DDX46: variants seen among roughly 807,000 people sequenced by gnomAD.
The protein encoded by DDX46 is probable ATP-dependent RNA helicase DDX46.
Under a neutral mutation model 134.9 loss-of-function variants are expected in DDX46, and 30 were observed. The ratio of observed to expected loss-of-function variants is 0.22; its 90% CI spans 0.17 to 0.30. The LOEUF (loss-of-function observed/expected upper bound fraction) is 0.30. Among genes scored for constraint, DDX46 ranks in the 10% least tolerant of loss-of-function variants. The pLI is 1.00. For synonymous variants in DDX46, 415 were observed against 404.1 expected (o/e 1.03, Z -0.32); for missense variants, 622 against 1,248.7 (o/e 0.50, Z 7.56).
rs1753280042 is a variant in DDX46 at position 134,758,812 on chromosome 5, C to T, written c.-127C>T. 2.6e-5 allele frequency: 38 copies of T among 1,460,278 alleles called. No homozygotes were observed. Among genetic ancestry groups the T allele is most frequent in the Non-Finnish European group, 3.4e-5 (36 of 1,051,800 alleles). The allele number at this position is 1,460,278 out of a possible 1,614,324, so 90.5% of individuals were successfully genotyped here. A position where few individuals can be genotyped will look rare whatever the true frequency, so the allele number is the denominator to read the frequency against. ...GTTGGCCGCGCTGGGATGGCCGCCA[C>T]AGCTGTAGGTGCTGCTAGTGTTTAG... On this transcript the variant is annotated 5_prime_UTR_variant, in exon 1 of 23. Coordinates refer to ENST00000452510, the MANE Select transcript of DDX46 (RefSeq NM_001300860.2).
rs1580805303 is a variant in DDX46, at chr5:134,800,779, G to A, written c.1954+4629G>A. Among the ~76,000 whole-genome samples, 3 of 152,222 alleles carry A rather than the reference G, an allele frequency of 2.0e-5. No individual in the cohort carries two copies. The South Asian group carries it at 6.2e-4, about 32-fold the overall frequency. ...CAACCTCCGCCTCCCGGGTTCAAGCGATTCTCCTGCCTCAGCCTCCTAAGT... is the reference window on the plus strand; with the variant it reads ...CAACCTCCGCCTCCCGGGTTCAAGCAATTCTCCTGCCTCAGCCTCCTAAGT... On this transcript the variant is annotated intron_variant, in intron 15 of 22. Coordinates refer to ENST00000452510, the MANE Select transcript of DDX46 (RefSeq NM_001300860.2).
At chr5:134,796,298 GATT>G in intron 15 of DDX46, 148 bp downstream of exon 15, 1 of 834,878 alleles carries the variant, frequency 1.2e-6, no homozygotes, top group African/African-American at 1.7e-5. Context: ...GTGGGAGTAA[GATT>G]ATTATTGTCT....
intron 15 of DDX46, among the ~76,000 whole-genome samples, chr5:134,805,750 C>T (rs925917821): frequency 2.0e-5 from 3 of 150,202 alleles, no homozygotes; most frequent in African/African-American, 4.9e-5. Flanking sequence ...CCAGGCTGGT[C>T]TCAAACTCCT....
At chr5:134,787,298 G>A (rs1325436062) in intron 11 of DDX46, among the ~76,000 whole-genome samples, 3 of 152,190 alleles carry the variant, frequency 2.0e-5, no homozygotes, top group Non-Finnish European at 1.5e-5. Flanking sequence ...AGGCAAAAAA[G>A]TAGGTTCTGT....
chr5:134,827,550 G>A (rs1460408384), intron 22 of DDX46, among the ~76,000 whole-genome samples: 1 of 152,204 alleles, frequency 6.6e-6, no homozygotes, highest in Non-Finnish European at 1.5e-5. Flanking sequence ...TGGGATTACA[G>A]GCGTGAGCCG....
intron 3 of DDX46, among the ~76,000 whole-genome samples, chr5:134,769,833 C>G (rs1301503752): frequency 1.3e-5 from 2 of 152,242 alleles, no homozygotes; most frequent in Non-Finnish European, 1.5e-5. Context: ...AGGCGTGAGC[C>G]ACCGCGCCCG....
At chr5:134,761,329 G>T (rs557259400) in intron 1 of DDX46, among the ~76,000 whole-genome samples, 1 of 152,072 alleles carries the variant, frequency 6.6e-6, no homozygotes, top group Non-Finnish European at 1.5e-5. Flanking sequence ...CCAGCCAATT[G>T]GTGTTTTATT....
intron 21 of DDX46, among the ~76,000 whole-genome samples, chr5:134,824,063 C>T (rs1755525681): frequency 6.6e-6 from 1 of 152,070 alleles, no homozygotes; most frequent in African/African-American, 2.4e-5. Context: ...TATCAAATTT[C>T]AATTTATGTA....
At position 134,830,935 on chromosome 5, in the gene DDX46, T is replaced by A. The variant is rs1755722064; in HGVS notation, c.*2229T>A. 1 of 152,644 alleles carries A rather than the reference T, an allele frequency of 6.6e-6. No homozygotes were observed. Among genetic ancestry groups the A allele is most frequent in the Admixed American group, 6.5e-5 (1 of 15,274 alleles). The allele number at this position is 152,644 out of a possible 1,614,324, so 9.5% of individuals were successfully genotyped here. On this transcript the variant is annotated 3_prime_UTR_variant, in exon 23 of 23. Coordinates refer to ENST00000452510, the MANE Select transcript of DDX46 (RefSeq NM_001300860.2). ...ATCATTTTAGCATTTTGTTTGTATA[T>A]CAGTTGTGATGAGCCACTGATAAAA...
At chr5:134,796,241 A>G (rs1015108026) in intron 15 of DDX46, 91 bp downstream of exon 15, 14 of 1,395,800 alleles carry the variant, frequency 1.0e-5, no homozygotes, top group African/African-American at 2.9e-5. Flanking sequence ...TTTGTTCTCT[A>G]TAATTCAGAA....
intron 20 of DDX46, among the ~76,000 whole-genome samples, 170 bp downstream of exon 20, chr5:134,817,884 G>C (rs767997822): frequency 1.6e-4 from 24 of 151,656 alleles, no homozygotes; most frequent in South Asian, 4.2e-4. Flanking sequence ...AGGTACATTA[G>C]GATCTAAATG....
chr5:134,794,485 G>T (rs1214577440), intron 13 of DDX46, among the ~76,000 whole-genome samples: 1 of 152,096 alleles, frequency 6.6e-6, no homozygotes, highest in Admixed American at 6.6e-5. Context: ...CTTTTTGTCT[G>T]TTTTTGTTGC....
At chr5:134,770,831 A>T in intron 3 of DDX46, 72 bp from the exon 4 acceptor site, 1 of 1,367,966 alleles carries the variant, frequency 7.3e-7, no homozygotes, top group Non-Finnish European at 9.8e-7. Context: ...AAAAAAAAAA[A>T]AGTATTTAAA....
At chr5:134,766,707 G>A (rs1259975341) in intron 2 of DDX46, among the ~76,000 whole-genome samples, 1 of 152,200 alleles carries the variant, frequency 6.6e-6, no homozygotes, top group Non-Finnish European at 1.5e-5. Flanking sequence ...GGTGACAGGT[G>A]TGAGACTTTG....
chr5:134,807,952 G>A lies in DDX46; in HGVS notation c.2148+11G>A. The A allele has an allele frequency of 6.3e-7, 1 of 1,577,306 alleles. No individual in the cohort carries two copies. The highest frequency in any genetic ancestry group is 8.6e-7 in the Non-Finnish European group (1 of 1,160,352). On this transcript the variant is annotated intron_variant, in intron 16 of 22. Transcript: ENST00000452510. ...AGAGCAGGAAACAAGGTAAAAATAA[G>A]TTTTTTATAGTTGATCTTCATTATA...
chr5:134,811,800 A>G lies in DDX46; in HGVS notation c.2391A>G (p.Ala797=), dbSNP rs1330822352. The G allele has an allele frequency of 1.2e-6, 2 of 1,614,006 alleles. No individual in the cohort carries two copies. Among genetic ancestry groups the G allele is most frequent in the Non-Finnish European group, 1.7e-6 (2 of 1,179,980 alleles). The change falls in exon 18 of 23, where the codon GCA becomes GCG. Residue 797 remains alanine, a synonymous_variant. Transcript: ENST00000452510. ...ATGAGAGGAAGAAGTTACAAAAAGC[A>G]GCTCTTGGTCTACAAGATTCAGATG... ...LANERKKLQK[A]ALGLQDSDDE...
chr5:134,825,520 C>T (rs886155010), intron 21 of DDX46, among the ~76,000 whole-genome samples: 6 of 152,100 alleles, frequency 3.9e-5, no homozygotes, highest in South Asian at 2.1e-4. Context: ...GAAATTTTCT[C>T]GTTTATTATA....
rs374562980 is a variant in DDX46 at position 134,815,706 on chromosome 5, C to CAAAA, written c.2437-701_2437-698dup. ...TGGGAGACAGAGCGAGACTCTGTCT[C>CAAAA]AAAAAAAAAAAAAAAAAAAAAAAAA... On this transcript the variant is annotated intron_variant, in intron 18 of 22. Transcript: ENST00000452510. Among the ~76,000 whole-genome samples the CAAAA allele has an allele frequency of 8.7e-4, 25 of 28,694 alleles. 3 individuals are homozygous for CAAAA. Among genetic ancestry groups the CAAAA allele is most frequent in the African/African-American group, 1.3e-3 (13 of 9,718 alleles). The allele number at this position is 28,694 out of a possible 152,430, so 18.8% of individuals were successfully genotyped here.
chr5:134,770,876 C>T (rs1753742742), intron 3 of DDX46, 27 bp from the exon 4 acceptor site: 1 of 1,533,568 alleles, frequency 6.5e-7, no homozygotes, highest in South Asian at 1.2e-5. Flanking sequence ...AATGACATTT[C>T]TCTTGTCTCT....
Sources: allele counts gnomAD v4.1 joint callset (sites outside exome capture counted in the v4.1 genomes callset), GRCh38; gene constraint gnomAD v4.1.1; transcripts MANE v1.5; gene names NCBI Gene and HGNC (gene_info 2026-07-23, HGNC 2026-07-21).